The following P4HA3 variants were observed in gnomAD, a reference collection of about 807,000 sequenced individuals.
P4HA3 encodes prolyl 4-hydroxylase subunit alpha 3.
P4HA3 carries 60 observed loss-of-function variants against 66.7 expected under a neutral mutation model. The ratio of observed to expected loss-of-function variants is 0.90; its 90% CI spans 0.73 to 1.12. P4HA3 has a LOEUF of 1.12. P4HA3 is among the 50% of genes most tolerant of loss of function. P4HA3 has a pLI of 0.00. For missense variants in P4HA3, 683 were observed against 685.8 expected (o/e 1.00, Z 0.05); for synonymous variants, 263 against 274.6 (o/e 0.96, Z 0.42).
chr11:74,304,139 G>T, intron 2 of P4HA3, 131 bp downstream of exon 2: 1 of 1,202,482 alleles, frequency 8.3e-7, no homozygotes. Flanking sequence ...GCTAGCTAGA[G>T]CTAAGGATAT....
chr11:74,267,965 C>T (rs1392381666), intron 12 of P4HA3, among the ~76,000 whole-genome samples, 180 bp downstream of exon 12: 1 of 152,188 alleles, frequency 6.6e-6, no homozygotes, highest in Non-Finnish European at 1.5e-5. Context: ...GGAACCCCTG[C>T]CTGTTATAGG....
At chr11:74,291,037 G>T (rs1401278006) in intron 4 of P4HA3, among the ~76,000 whole-genome samples, 1 of 152,160 alleles carries the variant, frequency 6.6e-6, no homozygotes, top group Non-Finnish European at 1.5e-5. Context: ...ACTTTGGGCA[G>T]TATGGCCATT....
rs369949939 is a variant in P4HA3, at chr11:74,251,692, A to G, written c.*1319-3691T>C. 2.9e-4 allele frequency: 468 copies of G among 1,613,864 alleles called. 1 individual carries two copies. The highest frequency in any genetic ancestry group is 5.7e-5 in the Non-Finnish European group (67 of 1,179,876). Reference sequence around the variant, plus strand: ...CTTTCCTGATCCGGCACAGGTTTGCAGAACCCATCGGTGGATTCCAGTGGT... The same window carrying G: ...CTTTCCTGATCCGGCACAGGTTTGCGGAACCCATCGGTGGATTCCAGTGGT... On this transcript the variant is annotated intron_variant and NMD_transcript_variant, in intron 15 of 15. Transcript: ENST00000524388.
chr11:74,278,442 C>T (rs914832069), intron 8 of P4HA3, among the ~76,000 whole-genome samples: 1 of 152,120 alleles, frequency 6.6e-6, no homozygotes, highest in Non-Finnish European at 1.5e-5. Flanking sequence ...AATGATTTGG[C>T]AATTAGAAGT....
At chr11:74,282,143 CA>C (rs1373013900) in intron 7 of P4HA3, among the ~76,000 whole-genome samples, 2 of 142,742 alleles carry the variant, frequency 1.4e-5, no homozygotes, top group South Asian at 2.3e-4. Flanking sequence ...AAAAAAAAAA[CA>C]AAAAAAAACC....
intron 4 of P4HA3, among the ~76,000 whole-genome samples, chr11:74,292,955 A>G (rs888357460): frequency 1.3e-5 from 2 of 152,206 alleles, no homozygotes; most frequent in African/African-American, 4.8e-5. Context: ...GTAGATGTCT[A>G]TTAGGTCCAC....
chr11:74,309,987 C>T (rs1591144801), intron 1 of P4HA3, among the ~76,000 whole-genome samples: 1 of 152,172 alleles, frequency 6.6e-6, no homozygotes, highest in Non-Finnish European at 1.5e-5. Context: ...GAGTCACTCC[C>T]CATTCCACAT....
chr11:74,289,149 A>G lies in P4HA3; in HGVS notation c.718-19T>C. The G allele has an allele frequency of 6.4e-7, 1 of 1,554,508 alleles. No homozygotes were observed. Among genetic ancestry groups the G allele is most frequent in the Non-Finnish European group, 8.7e-7 (1 of 1,150,188 alleles). ...TTCCTGCCTGTTAAAAAAAAAAAAA[A>G]GAAAAGAAAGCATTAACTTCACTGA... On this transcript the variant is annotated intron_variant, in intron 4 of 12. Transcript: ENST00000331597.
intron 15 of P4HA3, chr11:74,253,710 G>A (rs1162581941): frequency 4.7e-6 from 3 of 636,348 alleles, no homozygotes; most frequent in South Asian, 1.9e-5. Context: ...GACCAACATC[G>A]GCTTCCCCAG....
chr11:74,252,471 G>A, intron 15 of P4HA3: 1 of 456,330 alleles, frequency 2.2e-6, no homozygotes, highest in Non-Finnish European at 4.4e-6. Context: ...AATGGAATGG[G>A]TGCCTCTGCC....
Position 74,302,364 on chromosome 11 carries a change from G to T in P4HA3, c.567+5C>A. On this transcript the variant is annotated splice_donor_5th_base_variant and intron_variant, in intron 3 of 12. Transcript: ENST00000331597. ...AGCAATTGGCCCTCTCTTGAATATTGTTACCTTGCCAACTTGGAAGCAGTC... is the reference window on the plus strand; with the variant it reads ...AGCAATTGGCCCTCTCTTGAATATTTTTACCTTGCCAACTTGGAAGCAGTC... 3 of 1,610,614 alleles carry T rather than the reference G, an allele frequency of 1.9e-6. No homozygotes were observed. The highest frequency in any genetic ancestry group is 2.5e-6 in the Non-Finnish European group (3 of 1,178,586).
At chr11:74,271,169 G>A (rs1860183636) in intron 10 of P4HA3, among the ~76,000 whole-genome samples, 1 of 152,190 alleles carries the variant, frequency 6.6e-6, no homozygotes, top group Non-Finnish European at 1.5e-5. Context: ...GTAGATGCAA[G>A]TGAACTGACA....
At chr11:74,275,116 T>C (rs564511763) in intron 9 of P4HA3, among the ~76,000 whole-genome samples, 31 of 152,250 alleles carry the variant, frequency 2.0e-4, no homozygotes, top group African/African-American at 6.8e-4. Context: ...TATTTTCTCC[T>C]AGTTGGTGGC....
chr11:74,250,888 C>G, intron 15 of P4HA3: 1 of 1,389,126 alleles, frequency 7.2e-7, no homozygotes, highest in Non-Finnish European at 1.0e-6. Flanking sequence ...CTGGAATGAC[C>G]TATGAGGCTG....
chr11:74,311,569 C>T lies in P4HA3; in HGVS notation c.43G>A (p.Ala15Thr). The T allele has an allele frequency of 6.5e-7, 1 of 1,533,718 alleles. No homozygotes were observed. Among genetic ancestry groups the T allele is most frequent in the Non-Finnish European group, 8.7e-7 (1 of 1,151,304 alleles). ...ARLAALLAVL[A>T]LGTGDPERAA... ...CTTTCTGGGTCTCCTGTCCCGAGCG[C>T]CAGCACCGCCAGCAGCGCCGCCAGC... The change falls in exon 1 of 13, where the codon GCG (alanine) becomes ACG (threonine). Residue 15 changes from alanine (A) to threonine (T), a missense_variant. Coordinates refer to ENST00000331597, the MANE Select transcript of P4HA3 (RefSeq NM_182904.5).
At chr11:74,298,499 A>G in intron 3 of P4HA3, 138 bp from the exon 4 acceptor site, 1 of 1,047,670 alleles carries the variant, frequency 9.5e-7, no homozygotes, top group African/African-American at 1.6e-5. Context: ...TCAATTTATT[A>G]AGCATCTACT....
intron 10 of P4HA3, among the ~76,000 whole-genome samples, chr11:74,272,882 T>C (rs575267284): frequency 2.0e-5 from 3 of 152,314 alleles, no homozygotes; most frequent in African/African-American, 7.2e-5. Context: ...GAGACGAAAG[T>C]AAACCCACAT....
chr11:74,263,168 C>T (rs551828448), downstream of P4HA3, among the ~76,000 whole-genome samples: 5 of 152,370 alleles, frequency 3.3e-5, no homozygotes, highest in Admixed American at 1.3e-4. Context: ...GGCATGGACC[C>T]GCTCTGCCTT....
intron 15 of P4HA3, chr11:74,251,388 C>T (rs1256128537): frequency 1.5e-6 from 2 of 1,362,514 alleles, no homozygotes; most frequent in Non-Finnish European, 1.9e-6. Context: ...GAGAAAACAC[C>T]ATTCTGTAAC....
Sources: allele counts gnomAD v4.1 joint callset (sites outside exome capture counted in the v4.1 genomes callset), GRCh38; gene constraint gnomAD v4.1.1; transcripts MANE v1.5; gene names NCBI Gene and HGNC (gene_info 2026-07-23, HGNC 2026-07-21).